The following ARHGEF3 variants were observed in gnomAD, a reference collection of about 807,000 sequenced individuals.
ARHGEF3 encodes the protein 59.8 kDA protein.
In ARHGEF3, 28 loss-of-function variants were observed where a neutral mutation model predicts 63.2. The observed-to-expected ratio is 0.44, with a 90% CI of 0.33 to 0.61. The LOEUF (loss-of-function observed/expected upper bound fraction) is 0.61, where lower values mean the gene tolerates loss of function less well. Ranked by LOEUF, ARHGEF3 falls within the 20% of genes least tolerant of loss-of-function variation. ARHGEF3 has a pLI of 0.03. For missense variants in ARHGEF3, 533 were observed against 659.3 expected, an observed-to-expected ratio of 0.81 and a Z score of 2.10; for synonymous variants, 266 against 254.2, an observed-to-expected ratio of 1.05 and a Z score of -0.44.
chr3:57,031,150 G>A (rs1438638206), intron 2 of ARHGEF3, among the ~76,000 whole-genome samples: 2 of 152,166 alleles, frequency 1.3e-5, no homozygotes, highest in Non-Finnish European at 2.9e-5. Context: ...AGTACCTACT[G>A]TGTGCCAAGC....
At chr3:56,814,255 A>G (rs1559962741) in intron 4 of ARHGEF3, among the ~76,000 whole-genome samples, 1 of 152,248 alleles carries the variant, frequency 6.6e-6, no homozygotes, top group Non-Finnish European at 1.5e-5. Context: ...AATGTGGCCC[A>G]ACATAAATTT....
chr3:56,819,511 G>GTT (rs11391422), intron 4 of ARHGEF3, among the ~76,000 whole-genome samples: 119 of 138,432 alleles, frequency 8.6e-4, no homozygotes, highest in South Asian at 1.1e-3. Flanking sequence ...CCAGGTGGCA[G>GTT]TTTTTTTTTT....
chr3:56,837,641 A>T (rs1474025562), intron 4 of ARHGEF3, among the ~76,000 whole-genome samples: 1 of 151,956 alleles, frequency 6.6e-6, no homozygotes, highest in Non-Finnish European at 1.5e-5. Flanking sequence ...CTCCTTGTAA[A>T]CCCTCCACTC....
At chr3:56,815,792 T>C (rs2038248574) in intron 4 of ARHGEF3, among the ~76,000 whole-genome samples, 1 of 152,262 alleles carries the variant, frequency 6.6e-6, no homozygotes, top group Non-Finnish European at 1.5e-5. Context: ...GAGAGCTATC[T>C]GTTCCTTCAG....
At chr3:56,807,073 C>T (rs901606058) in intron 4 of ARHGEF3, among the ~76,000 whole-genome samples, 4 of 152,044 alleles carry the variant, frequency 2.6e-5, no homozygotes, top group South Asian at 4.2e-4. Context: ...TTAGTAGAGA[C>T]GGGGTTTCAC....
rs143602980 is a variant in ARHGEF3, at chr3:57,014,398, C to T, written c.62+20690G>A. Among the ~76,000 whole-genome samples the T allele has an allele frequency of 3.0e-3, 463 of 152,258 alleles. 1 individual carries two copies. The highest frequency in any genetic ancestry group is 6.0e-3 in the South Asian group (29 of 4,826). On this transcript the variant is annotated intron_variant, in intron 2 of 12. Coordinates refer to the ARHGEF3 transcript ENST00000338458. ...TTCCAAACCACGCCCCTTCCATCACCACCCCTGTTCATCACAACCTGGACT... is the reference window on the plus strand; with the variant it reads ...TTCCAAACCACGCCCCTTCCATCACTACCCCTGTTCATCACAACCTGGACT...
chr3:56,747,064 CAGAG>C (rs5849167), intron 6 of ARHGEF3, among the ~76,000 whole-genome samples: 2,809 of 148,066 alleles, frequency 0.019, 42 homozygotes, highest in African/African-American at 0.049. Context: ...CACACACACA[CAGAG>C]AGAGAGAGAG....
chr3:56,993,989 G>A (rs532630967), intron 2 of ARHGEF3, among the ~76,000 whole-genome samples: 44 of 145,588 alleles, frequency 3.0e-4, no homozygotes, highest in Admixed American at 1.6e-3. Flanking sequence ...GCTTGAACCC[G>A]GGAGGCGGAA....
intron 4 of ARHGEF3, among the ~76,000 whole-genome samples, chr3:56,862,549 C>T (rs770934737): frequency 1.4e-4 from 22 of 152,144 alleles, no homozygotes; most frequent in Non-Finnish European, 2.1e-4. Flanking sequence ...GGCCCCCCTC[C>T]GCCTGGGAAC....
intron 2 of ARHGEF3, among the ~76,000 whole-genome samples, chr3:56,755,397 T>C (rs1481807393): frequency 1.3e-5 from 2 of 152,230 alleles, no homozygotes; most frequent in Non-Finnish European, 2.9e-5. Flanking sequence ...AAGTGGACTA[T>C]AGTGCAAGCA....
chr3:57,008,168 A>C (rs2107080961), intron 2 of ARHGEF3, among the ~76,000 whole-genome samples: 1 of 152,306 alleles, frequency 6.6e-6, no homozygotes, highest in South Asian at 2.1e-4. Context: ...CCTAGAACAG[A>C]TCAAACTTCA....
At chr3:56,969,249 A>C (rs1578988228) in intron 2 of ARHGEF3, among the ~76,000 whole-genome samples, 1 of 114,908 alleles carries the variant, frequency 8.7e-6, no homozygotes, top group Non-Finnish European at 1.9e-5. Flanking sequence ...CCTATTCAAA[A>C]CAATTCCAGA....
intron 1 of ARHGEF3, among the ~76,000 whole-genome samples, chr3:57,071,866 T>C (rs538936417): frequency 6.6e-6 from 1 of 152,078 alleles, no homozygotes; most frequent in South Asian, 2.1e-4. Context: ...TACTTTAAAA[T>C]CATAGCTGAT....
intron 3 of ARHGEF3, among the ~76,000 whole-genome samples, chr3:56,907,827 G>T (rs1336662835): frequency 1.3e-5 from 2 of 152,122 alleles, no homozygotes; most frequent in South Asian, 4.1e-4. Context: ...GAGAACACAT[G>T]GACACACAGA....
intron 2 of ARHGEF3, among the ~76,000 whole-genome samples, chr3:56,767,284 T>C (rs576891960): frequency 6.6e-6 from 1 of 152,172 alleles, no homozygotes; most frequent in South Asian, 2.1e-4. Flanking sequence ...TCATTTTGTT[T>C]TAAAAAATGC....
At chr3:56,971,860 TA>T (rs201555101) in intron 2 of ARHGEF3, among the ~76,000 whole-genome samples, 4 of 151,024 alleles carry the variant, frequency 2.6e-5, no homozygotes, top group African/African-American at 9.8e-5. Flanking sequence ...TCTCAAAAAA[TA>T]AAAAAAAATT....
chr3:57,067,360 C>T lies in ARHGEF3; in HGVS notation c.-28+11866G>A, dbSNP rs534690780. Among the ~76,000 whole-genome samples, 9 of 151,468 alleles carry T rather than the reference C, an allele frequency of 5.9e-5. No homozygotes were observed. The South Asian group carries it at 6.3e-4, about 11-fold the overall frequency. On this transcript the variant is annotated intron_variant, in intron 1 of 12. Transcript: ENST00000338458. ...CTCCCAGTTACTCGGGAGGCTGAGG[C>T]GGGAGAATGGCGTGAACCCAGGAGG...
At chr3:56,947,997 T>C (rs1699604673) in intron 3 of ARHGEF3, among the ~76,000 whole-genome samples, 1 of 152,142 alleles carries the variant, frequency 6.6e-6, no homozygotes, top group Non-Finnish European at 1.5e-5. Flanking sequence ...CTCAACTACA[T>C]GGAAACTGAA....
At chr3:57,028,334 C>T (rs1202617783) in intron 2 of ARHGEF3, among the ~76,000 whole-genome samples, 2 of 84,282 alleles carry the variant, frequency 2.4e-5, no homozygotes, top group East Asian at 3.1e-4. Flanking sequence ...AAATGTGGCA[C>T]ATATACACCA....
Sources: allele counts gnomAD v4.1 joint callset (sites outside exome capture counted in the v4.1 genomes callset), GRCh38; gene constraint gnomAD v4.1.1; transcripts MANE v1.5; gene names NCBI Gene and HGNC (gene_info 2026-07-23, HGNC 2026-07-21).